Variants in WDR72 observed in about 807,000 individuals in gnomAD.
WDR72 encodes the protein WD repeat-containing protein 72.
In WDR72, 120 loss-of-function variants were observed where a neutral mutation model predicts 124.2. The ratio of observed to expected loss-of-function variants is 0.97; its 90% CI spans 0.83 to 1.12. The LOEUF is 1.12. Among genes scored for constraint, WDR72 ranks in the 50% most tolerant of loss-of-function variants. The pLI is 0.00. For missense variants in WDR72, 1,387 were observed against 1,278.8 expected (o/e 1.08, Z -1.29); for synonymous variants, 452 against 441.7 (o/e 1.02, Z -0.29).
At chr15:53,711,524 A>G (rs778038479) in intron 7 of WDR72, 43 bp from the exon 8 acceptor site, 6 of 1,598,628 alleles carry the variant, frequency 3.8e-6, no homozygotes, top group Non-Finnish European at 5.1e-6. Context: ...GCTTAAATCT[A>G]GTCTGCCAAT....
intron 14 of WDR72, among the ~76,000 whole-genome samples, chr15:53,646,182 CAGAT>C (rs1360976184): frequency 1.3e-5 from 2 of 152,218 alleles, no homozygotes; most frequent in Admixed American, 6.6e-5. Flanking sequence ...TTTACACTCT[CAGAT>C]AGTTTATTTC....
intron 18 of WDR72, among the ~76,000 whole-genome samples, chr15:53,584,864 C>G (rs2012116802): frequency 6.6e-6 from 1 of 151,988 alleles, no homozygotes; most frequent in Non-Finnish European, 1.5e-5. Flanking sequence ...CTTCTTGCAT[C>G]AAGCCCTTTC....
chr15:53,566,589 C>T (rs536041441), intron 18 of WDR72, among the ~76,000 whole-genome samples: 169 of 151,848 alleles, frequency 1.1e-3, no homozygotes, highest in African/African-American at 3.8e-3. Flanking sequence ...ACAGACACTA[C>T]GCTTGGGAAG....
intron 14 of WDR72, among the ~76,000 whole-genome samples, chr15:53,643,600 GC>G (rs1265757422): frequency 6.6e-6 from 1 of 152,028 alleles, no homozygotes; most frequent in Non-Finnish European, 1.5e-5. Flanking sequence ...TAAGAACCTG[GC>G]CACAATAAAA....
intron 13 of WDR72, among the ~76,000 whole-genome samples, chr15:53,675,091 T>C (rs1256229513): frequency 6.6e-6 from 1 of 152,190 alleles, no homozygotes; most frequent in Non-Finnish European, 1.5e-5. Flanking sequence ...GCGTAACATC[T>C]ACTATGACTT....
chr15:53,702,457 AATTAAAGCATGC>A, intron 11 of WDR72, 103 bp from the exon 12 acceptor site: 1 of 955,888 alleles, frequency 1.0e-6, no homozygotes, highest in Non-Finnish European at 1.6e-6. Context: ...AATTACATAT[AATTAAAGCATGC>A]ACTTGGCTAA....
intron 14 of WDR72, among the ~76,000 whole-genome samples, chr15:53,646,782 G>A (rs922822432): frequency 7.9e-5 from 12 of 151,872 alleles, no homozygotes; most frequent in African/African-American, 1.9e-4. Context: ...GATAGAAAAC[G>A]TCAAATAAAA....
chr15:53,608,693 C>T (rs904888123), intron 17 of WDR72, among the ~76,000 whole-genome samples: 3 of 151,852 alleles, frequency 2.0e-5, no homozygotes, highest in African/African-American at 7.3e-5. Flanking sequence ...AAGAACGAGG[C>T]TGCAGTGAGC....
chr15:53,565,223 T>C (rs1010399965), intron 18 of WDR72, among the ~76,000 whole-genome samples: 1 of 151,850 alleles, frequency 6.6e-6, no homozygotes, highest in African/African-American at 2.4e-5. Flanking sequence ...CAGGTGAGTT[T>C]AGAAAGTTTA....
At chr15:53,726,202 GTATA>G in intron 2 of WDR72, among the ~76,000 whole-genome samples, 1 of 139,434 alleles carries the variant, frequency 7.2e-6, no homozygotes, top group Middle Eastern at 3.6e-3. Context: ...ATGTGTGTGT[GTATA>G]TATATATGTA....
intron 18 of WDR72, among the ~76,000 whole-genome samples, chr15:53,589,793 T>G (rs1313510108): frequency 1.3e-5 from 2 of 152,166 alleles, no homozygotes; most frequent in African/African-American, 4.8e-5. Flanking sequence ...CAGTTTTTCA[T>G]ATGCCAAGAT....
intron 18 of WDR72, among the ~76,000 whole-genome samples, chr15:53,585,513 T>C (rs942156642): frequency 2.0e-5 from 3 of 152,028 alleles, no homozygotes; most frequent in South Asian, 2.1e-4. Context: ...AATTGCGCTA[T>C]TGGGTACTCA....
intron 13 of WDR72, among the ~76,000 whole-genome samples, chr15:53,691,620 CAGATAGATAGAT>C (rs71746507): frequency 0.17 from 24,131 of 145,110 alleles, 2,400 homozygotes; most frequent in African/African-American, 0.27. Context: ...GACAGACAGA[CAGATAGATAGAT>C]AGATAGATAG....
At chr15:53,733,343 T>C (rs1567054999) in intron 1 of WDR72, among the ~76,000 whole-genome samples, 182 bp from the exon 2 acceptor site, 1 of 152,206 alleles carries the variant, frequency 6.6e-6, no homozygotes, top group Non-Finnish European at 1.5e-5. Context: ...GAAATTACCA[T>C]GCACACTGCT....
At chr15:53,589,882 A>G (rs1351439402) in intron 18 of WDR72, among the ~76,000 whole-genome samples, 1 of 152,054 alleles carries the variant, frequency 6.6e-6, no homozygotes. Flanking sequence ...AGTCTTTCTA[A>G]GGTGATGCAA....
intron 16 of WDR72, among the ~76,000 whole-genome samples, chr15:53,613,297 C>T (rs2013620889): frequency 6.6e-6 from 1 of 151,964 alleles, no homozygotes; most frequent in South Asian, 2.1e-4. Flanking sequence ...TAATAAAATA[C>T]TTAACATATA....
At chr15:53,565,232 TAA>T (rs1278316377) in intron 18 of WDR72, among the ~76,000 whole-genome samples, 2 of 151,824 alleles carry the variant, frequency 1.3e-5, no homozygotes, top group Non-Finnish European at 2.9e-5. Context: ...TTAGAAAGTT[TAA>T]GAGGCAAAAA....
chr15:53,673,579 T>C (rs531337487), intron 13 of WDR72, among the ~76,000 whole-genome samples: 2 of 152,338 alleles, frequency 1.3e-5, no homozygotes, highest in Admixed American at 6.5e-5. Context: ...CCAAAGCACA[T>C]ATATTGTAAA....
chr15:53,706,344 G>GTGTATATATATATATATATATA (rs2017357195), intron 9 of WDR72, among the ~76,000 whole-genome samples: 1 of 46,082 alleles, frequency 2.2e-5, no homozygotes, highest in Non-Finnish European at 4.2e-5. Flanking sequence ...GTGTGTGTGT[G>GTGTATATATATATATATATATA]TGTGTGTATA....
Sources: gnomAD v4.1 joint callset for allele counts (sites outside exome capture counted in the v4.1 genomes callset) on GRCh38, gnomAD v4.1.1 for gene constraint, MANE v1.5 for transcripts, NCBI Gene and HGNC (gene_info 2026-07-23, HGNC 2026-07-21) for gene names.